The following HDAC9 variants were observed in gnomAD, a reference collection of about 807,000 sequenced individuals.
HDAC9 encodes MEF-2 interacting transcription repressor (MITR) protein.
A neutral mutation model predicts 139.4 loss-of-function variants in HDAC9; 41 were observed. That is an observed-to-expected ratio of 0.29 (90% CI 0.23 to 0.38). The LOEUF (loss-of-function observed/expected upper bound fraction) is 0.38. Among genes scored for constraint, HDAC9 ranks in the 10% least tolerant of loss-of-function variants. The pLI is 1.00. For synonymous variants in HDAC9, 517 were observed against 476.2 expected, an observed-to-expected ratio of 1.09 and a Z score of -1.12; for missense variants, 1,147 against 1,297.0, an observed-to-expected ratio of 0.88 and a Z score of 1.78.
intron 2 of HDAC9, chr7:18,502,671 T>A (rs1798704464): frequency 6.6e-6 from 1 of 152,136 alleles, no homozygotes; most frequent in Non-Finnish European, 1.5e-5. Context: ...TGAATATAAG[T>A]TTTTTATTAA....
intron 1 of HDAC9, among the ~76,000 whole-genome samples, chr7:18,116,621 A>G (rs1584138109): frequency 6.6e-6 from 1 of 152,156 alleles, no homozygotes; most frequent in Non-Finnish European, 1.5e-5. Context: ...TAACATATGT[A>G]TCAAATAAAA....
intron 1 of HDAC9, among the ~76,000 whole-genome samples, chr7:18,466,509 T>C (rs1277545778): frequency 6.6e-6 from 1 of 152,174 alleles, no homozygotes; most frequent in Non-Finnish European, 1.5e-5. Flanking sequence ...GCCCTTTTTC[T>C]TTATCTTCAA....
At chr7:18,861,425 G>C (rs1798100123) in intron 21 of HDAC9, among the ~76,000 whole-genome samples, 1 of 152,058 alleles carries the variant, frequency 6.6e-6, no homozygotes, top group Non-Finnish European at 1.5e-5. Context: ...TATCTGTTTT[G>C]ATAAACTAGC....
chr7:18,481,063 G>C (rs1795510130), intron 1 of HDAC9, among the ~76,000 whole-genome samples: 1 of 152,086 alleles, frequency 6.6e-6, no homozygotes, highest in Non-Finnish European at 1.5e-5. Context: ...CCGCTTCACT[G>C]TCCTCTCTAT....
intron 12 of HDAC9, among the ~76,000 whole-genome samples, chr7:18,723,615 A>C (rs1785301694): frequency 1.3e-5 from 2 of 152,208 alleles, no homozygotes; most frequent in Non-Finnish European, 2.9e-5. Context: ...GTGAAATTTT[A>C]TACTATGATG....
intron 25 of HDAC9, among the ~76,000 whole-genome samples, chr7:18,987,331 G>C (rs987136629): frequency 5.3e-5 from 8 of 152,162 alleles, no homozygotes; most frequent in African/African-American, 1.9e-4. Flanking sequence ...TTATCATGTG[G>C]CTTTTGTCTT....
chr7:18,843,866 T>G (rs1796741279), intron 21 of HDAC9, among the ~76,000 whole-genome samples: 2 of 152,190 alleles, frequency 1.3e-5, no homozygotes, highest in Non-Finnish European at 2.9e-5. Context: ...ATTTACATAT[T>G]GACTTTCCCA....
intron 1 of HDAC9, among the ~76,000 whole-genome samples, chr7:18,115,999 A>C (rs1937626312): frequency 6.6e-6 from 1 of 152,210 alleles, no homozygotes; most frequent in South Asian, 2.1e-4. Context: ...GTTTTCTATA[A>C]AATGTAGTGT....
chr7:18,207,025 T>C (rs1384793479), intron 2 of HDAC9, among the ~76,000 whole-genome samples: 1 of 151,070 alleles, frequency 6.6e-6, no homozygotes, highest in Non-Finnish European at 1.5e-5. Context: ...AACCCCTGCC[T>C]CCTAGGTTCA....
At chr7:18,466,882 A>G (rs1312186230) in intron 1 of HDAC9, among the ~76,000 whole-genome samples, 1 of 152,150 alleles carries the variant, frequency 6.6e-6, no homozygotes, top group Non-Finnish European at 1.5e-5. Flanking sequence ...TGTTTCAGGG[A>G]AACCTTATTC....
In HDAC9 at chr7:18,785,346, A is replaced by G. The variant is rs536301198; in HGVS notation, c.2215-7999A>G. Among the ~76,000 whole-genome samples the G allele has an allele frequency of 5.0e-3, 759 of 151,948 alleles. 8 individuals carry two copies. Among genetic ancestry groups the G allele is most frequent in the African/African-American group, 0.017 (697 of 41,420 alleles). On this transcript the variant is annotated intron_variant, in intron 16 of 25. Transcript: ENST00000686413. ...TGTATACCAAAAAAAAAAACCATGC[A>G]TCGTAGGATGCGTAGTGGCATTCCT...
chr7:18,123,643 T>C (rs1482137195), intron 1 of HDAC9, among the ~76,000 whole-genome samples: 2 of 152,138 alleles, frequency 1.3e-5, no homozygotes, highest in African/African-American at 4.8e-5. Flanking sequence ...AGGATCAGCA[T>C]TTTTTCCCTA....
intron 18 of HDAC9, 57 bp downstream of exon 18, chr7:18,829,273 G>GC: frequency 7.3e-7 from 1 of 1,371,850 alleles, no homozygotes; most frequent in Non-Finnish European, 1.0e-6. Flanking sequence ...GCGGTCACCT[G>GC]CCCCGTGCAT....
At chr7:18,278,026 C>T (rs1796859807) in intron 2 of HDAC9, among the ~76,000 whole-genome samples, 1 of 152,216 alleles carries the variant, frequency 6.6e-6, no homozygotes, top group Non-Finnish European at 1.5e-5. Context: ...CTTCACTTCA[C>T]TAGCAACATC....
chr7:18,181,930 A>G (rs1307747203), intron 2 of HDAC9, among the ~76,000 whole-genome samples: 1 of 152,222 alleles, frequency 6.6e-6, no homozygotes, highest in African/African-American at 2.4e-5. Context: ...CTCAGAGGAA[A>G]ATGAGATCAC....
At chr7:18,660,550 A>T (rs893839101) in intron 11 of HDAC9, among the ~76,000 whole-genome samples, 10 of 152,312 alleles carry the variant, frequency 6.6e-5, no homozygotes, top group Admixed American at 5.9e-4. Context: ...GATGAAAAAC[A>T]TATAGCTTAT....
intron 14 of HDAC9, among the ~76,000 whole-genome samples, chr7:18,753,672 A>G (rs1788638284): frequency 1.3e-5 from 2 of 152,164 alleles, no homozygotes; most frequent in South Asian, 4.1e-4. Context: ...CTTTTGGTTT[A>G]TGTCAATTCA....
At chr7:18,244,311 G>A (rs1794377111) in intron 2 of HDAC9, among the ~76,000 whole-genome samples, 1 of 152,126 alleles carries the variant, frequency 6.6e-6, no homozygotes, top group South Asian at 2.1e-4. Context: ...ATGCAAATTG[G>A]CAGCTGAAAT....
intron 6 of HDAC9, among the ~76,000 whole-genome samples, chr7:18,605,419 G>A (rs1055990303): frequency 6.6e-6 from 1 of 152,114 alleles, no homozygotes; most frequent in African/African-American, 2.4e-5. Context: ...GGTCAGATAA[G>A]GCTCTGTAAA....
Sources: allele counts gnomAD v4.1 joint callset (sites outside exome capture counted in the v4.1 genomes callset), GRCh38; gene constraint gnomAD v4.1.1; transcripts MANE v1.5; gene names NCBI Gene and HGNC (gene_info 2026-07-23, HGNC 2026-07-21).